DAB1: variants seen among roughly 807,000 people sequenced by gnomAD.
DAB1 encodes the protein disabled homolog 1.
A neutral mutation model predicts 64.6 loss-of-function variants in DAB1; 15 were observed. The ratio of observed to expected loss-of-function variants is 0.23; its 90% CI spans 0.16 to 0.36. DAB1 has a LOEUF of 0.36. DAB1 is among the 10% of genes least tolerant of loss of function. The probability of loss-of-function intolerance (pLI) is 1.00; values close to 1 mark genes in which losing one functional copy is unlikely to be tolerated. For synonymous variants in DAB1, 235 were observed against 251.9 expected (o/e 0.93, Z 0.64); for missense variants, 596 against 706.7 (o/e 0.84, Z 1.78).
chr1:57,539,359 G>A lies in DAB1; in HGVS notation n.625+110233C>T, dbSNP rs189596271. 4.1e-4 allele frequency among the ~76,000 whole-genome samples: 63 copies of A among 152,306 alleles called. No homozygotes were observed. In the East Asian group the frequency reaches 0.011, roughly 28 times the overall value. Reference sequence around the variant, plus strand: ...TGGATTTGAAGTACGGGATTCAATTGTAATACTGAAAGAATAAACTTGCTG... The same window carrying A: ...TGGATTTGAAGTACGGGATTCAATTATAATACTGAAAGAATAAACTTGCTG... On this transcript the variant is annotated intron_variant and non_coding_transcript_variant, in intron 7 of 20. Transcript: ENST00000485760.
At chr1:57,045,467 G>C (rs1048146633) in intron 9 of DAB1, among the ~76,000 whole-genome samples, 3 of 152,162 alleles carry the variant, frequency 2.0e-5, no homozygotes, top group African/African-American at 7.2e-5. Context: ...GGAGGCCAAG[G>C]CAGGCGGATC....
At chr1:58,318,130 A>G (rs567839253) in intron 4 of DAB1, among the ~76,000 whole-genome samples, 1 of 152,346 alleles carries the variant, frequency 6.6e-6, no homozygotes, top group East Asian at 1.9e-4. Context: ...GGCTCAGACC[A>G]TAACTGCCAG....
intron 6 of DAB1, among the ~76,000 whole-genome samples, chr1:57,799,681 G>A (rs188416718): frequency 2.6e-5 from 4 of 152,116 alleles, no homozygotes; most frequent in Admixed American, 1.3e-4. Flanking sequence ...AATCTGGCTC[G>A]CCATCTGTTT....
At chr1:58,445,375 T>C (rs879333416) in intron 3 of DAB1, among the ~76,000 whole-genome samples, 3 of 152,218 alleles carry the variant, frequency 2.0e-5, no homozygotes, top group Non-Finnish European at 2.9e-5. Flanking sequence ...CAGAAGATCA[T>C]GAGACTCGCC....
intron 7 of DAB1, among the ~76,000 whole-genome samples, chr1:57,464,623 CA>C (rs1383853598): frequency 6.6e-6 from 1 of 152,008 alleles, no homozygotes; most frequent in Non-Finnish European, 1.5e-5. Flanking sequence ...AAGTATTTCT[CA>C]AATGAAAGAA....
chr1:57,149,798 T>C (rs1659489535), intron 2 of DAB1, among the ~76,000 whole-genome samples: 1 of 152,124 alleles, frequency 6.6e-6, no homozygotes, highest in South Asian at 2.1e-4. Context: ...TTTTTTCGTG[T>C]CACAGCTACT....
intron 4 of DAB1, among the ~76,000 whole-genome samples, chr1:57,112,940 G>A (rs692939): frequency 0.79 from 120,233 of 152,128 alleles, 47,715 homozygotes; most frequent in East Asian, 0.98. Context: ...CTAAGTGAAT[G>A]TTGGAGACAG....
chr1:57,678,080 T>C (rs1646589436), intron 6 of DAB1, among the ~76,000 whole-genome samples: 2 of 152,164 alleles, frequency 1.3e-5, no homozygotes, highest in Admixed American at 1.3e-4. Flanking sequence ...GTGATTCTGA[T>C]GTGCAGACAA....
At chr1:57,566,701 A>C (rs1003042337) in intron 7 of DAB1, among the ~76,000 whole-genome samples, 1 of 152,156 alleles carries the variant, frequency 6.6e-6, no homozygotes, top group Non-Finnish European at 1.5e-5. Flanking sequence ...TCCTGGACAC[A>C]TACACCCTCC....
upstream of DAB1, among the ~76,000 whole-genome samples, chr1:57,885,700 T>C (rs1396725825): frequency 6.6e-6 from 1 of 152,220 alleles, no homozygotes; most frequent in Non-Finnish European, 1.5e-5. Flanking sequence ...AAGTCAGAGC[T>C]GCAAAATTGA....
chr1:58,499,087 T>C (rs758845327), intron 3 of DAB1, among the ~76,000 whole-genome samples: 56 of 152,134 alleles, frequency 3.7e-4, no homozygotes, highest in Middle Eastern at 3.4e-3. Context: ...TGTAACAGTA[T>C]GGATAAATCT....
intron 7 of DAB1, among the ~76,000 whole-genome samples, chr1:57,608,027 C>A (rs1645678073): frequency 6.6e-6 from 1 of 152,090 alleles, no homozygotes; most frequent in African/African-American, 2.4e-5. Context: ...TCTTCTTCCT[C>A]TACTCCCATA....
intron 6 of DAB1, among the ~76,000 whole-genome samples, chr1:57,794,266 G>T (rs1650737718): frequency 6.6e-6 from 1 of 152,170 alleles, no homozygotes; most frequent in Non-Finnish European, 1.5e-5. Context: ...TAGGAAAATA[G>T]TAAACAAATT....
intron 7 of DAB1, among the ~76,000 whole-genome samples, chr1:57,530,609 A>C (rs1208963454): frequency 6.6e-6 from 1 of 152,040 alleles, no homozygotes; most frequent in African/African-American, 2.4e-5. Context: ...AGAGGGAGAC[A>C]AAAATATTAC....
At chr1:58,492,469 A>C (rs1443732402) in intron 3 of DAB1, among the ~76,000 whole-genome samples, 1 of 152,216 alleles carries the variant, frequency 6.6e-6, no homozygotes, top group African/African-American at 2.4e-5. Flanking sequence ...AAATCAATGA[A>C]TCCAGGAGTT....
chr1:57,151,130 T>C (rs1042218413), intron 2 of DAB1, among the ~76,000 whole-genome samples: 2 of 152,148 alleles, frequency 1.3e-5, no homozygotes, highest in Non-Finnish European at 2.9e-5. Context: ...AGACAAATCA[T>C]GAAGCATCTT....
intron 5 of DAB1, among the ~76,000 whole-genome samples, chr1:58,007,974 T>G (rs544972778): frequency 6.6e-6 from 1 of 152,318 alleles, no homozygotes; most frequent in African/African-American, 2.4e-5. Context: ...ATCTTCTACG[T>G]GTCAAGCACT....
In DAB1 at chr1:57,705,864, CAAT is replaced by C. The variant is rs1323280448; in HGVS notation, n.552-56202_552-56200del. Among the ~76,000 whole-genome samples the C allele has an allele frequency of 2.2e-5, 3 of 135,632 alleles. No individual in the cohort carries two copies. In the Admixed American group the frequency reaches 2.4e-4, roughly 11 times the overall value. 89.0% of individuals were successfully genotyped at this position (135,632 alleles called of 152,430 possible). On this transcript the variant is annotated intron_variant and non_coding_transcript_variant, in intron 6 of 20. Coordinates refer to the DAB1 transcript ENST00000485760. ...GTATCTTTGGACTAATGAATCAATA[CAAT>C]ACTAGGGTTTTTTTTTTTTTCTTTT...
At chr1:58,405,835 T>C (rs1309425506) in intron 3 of DAB1, among the ~76,000 whole-genome samples, 1 of 152,202 alleles carries the variant, frequency 6.6e-6, no homozygotes, top group Non-Finnish European at 1.5e-5. Flanking sequence ...GCCTCATTTC[T>C]CACAGTGACT....
Sources: allele counts gnomAD v4.1 joint callset (sites outside exome capture counted in the v4.1 genomes callset), GRCh38; gene constraint gnomAD v4.1.1; transcripts MANE v1.5; gene names NCBI Gene and HGNC (gene_info 2026-07-23, HGNC 2026-07-21).